The following RAB23 variants were observed in gnomAD, a reference collection of about 807,000 sequenced individuals.
RAB23 encodes ras-related protein Rab-23.
RAB23 carries 15 observed loss-of-function variants against 30.0 expected under a neutral mutation model. The observed-to-expected ratio is 0.50, with a 90% CI of 0.33 to 0.77. The LOEUF is 0.77. Among genes scored for constraint, RAB23 ranks in the 30% least tolerant of loss-of-function variants. RAB23 has a pLI of 0.02. For synonymous variants in RAB23, 93 were observed against 94.0 expected (o/e 0.99, Z 0.06); for missense variants, 243 against 275.4 (o/e 0.88, Z 0.83).
Position 57,194,785 on chromosome 6 carries a change from G to C in RAB23, c.466C>G (p.Leu156Val). Reference sequence around the variant, plus strand: ...GGTAATTTACCTTCATTCACATTTAGATCTTCTTTCACTGATGTTCTGTAG... The same window carrying C: ...GGTAATTTACCTTCATTCACATTTACATCTTCTTTCACTGATGTTCTGTAG... ...RFYRTSVKED[L>V]NVNEVFKYLA... Residue 156 changes from leucine (L) to valine (V), a missense_variant, in exon 5 of 7, where the codon CTA becomes GTA. Leu to Val is a conservative substitution (Grantham distance 32, BLOSUM62 1). Transcript: ENST00000468148. 6 of 1,612,008 alleles carry C rather than the reference G, an allele frequency of 3.7e-6. No individual in the cohort carries two copies. Among genetic ancestry groups the C allele is most frequent in the Non-Finnish European group, 5.1e-6 (6 of 1,178,546 alleles).
chr6:57,196,459 C>A lies in RAB23; in HGVS notation c.389G>T (p.Cys130Phe), dbSNP rs1485030118. The A allele has an allele frequency of 6.2e-7, 1 of 1,613,932 alleles. No homozygotes were observed. Among genetic ancestry groups the A allele is most frequent in the Non-Finnish European group, 8.5e-7 (1 of 1,179,920 alleles). The change falls in exon 4 of 7, where the codon TGT becomes TTT. Residue 130 changes from cysteine (C) to phenylalanine (F), a missense_variant. Physicochemically the swap from Cys to Phe is radical, Grantham distance 205. Transcript: ENST00000468148. ...QNKIDLLDDS[C>F]IKNEEAEALA... ...AAAGTAGCCATCTTACTTCTTTATA[C>A]AAGAATCATCCAGAAGATCAATCTT...
At chr6:57,220,218 C>T (rs369018098) in intron 1 of RAB23, among the ~76,000 whole-genome samples, 141 of 151,922 alleles carry the variant, frequency 9.3e-4, no homozygotes, top group African/African-American at 3.3e-3. Flanking sequence ...CCACTACACA[C>T]CTATTAGAAT....
rs1331828216 is a variant in RAB23 at position 57,222,085 on chromosome 6, C to G, written c.-425G>C. ...CCGGCTCCTCCTGGTCGCGGCGCAA[C>G]CGCTGCCGCCGCTGTCTCCTCCCGA... On this transcript the variant is annotated 5_prime_UTR_variant, in exon 1 of 7. Coordinates refer to ENST00000468148, the MANE Select transcript of RAB23 (RefSeq NM_016277.5). The G allele has an allele frequency of 1.3e-5, 2 of 152,374 alleles. No individual in the cohort carries two copies. Among genetic ancestry groups the G allele is most frequent in the Non-Finnish European group, 2.9e-5 (2 of 68,200 alleles). 9.4% of individuals were successfully genotyped at this position (152,374 alleles called of 1,614,324 possible).
At chr6:57,216,561 G>GT (rs756551067) in intron 1 of RAB23, among the ~76,000 whole-genome samples, 7 of 152,194 alleles carry the variant, frequency 4.6e-5, no homozygotes, top group Non-Finnish European at 1.0e-4. Flanking sequence ...GGCCACGTGG[G>GT]TTTTTGGCTT....
rs1204366207 is a variant in RAB23, at chr6:57,205,226, ATG to A, written c.241+2400_241+2401del. Among the ~76,000 whole-genome samples, 5 of 151,712 alleles carry A rather than the reference ATG, an allele frequency of 3.3e-5. No homozygotes were observed. The East Asian group carries it at 7.7e-4, about 23-fold the overall frequency. ...ACACATATATTAAGTGTGTGTATAT[ATG>A]TGTGTGTGTATGTATGTGTGTGTGT... On this transcript the variant is annotated intron_variant, in intron 3 of 6. Transcript: ENST00000468148.
At chr6:57,205,070 A>G (rs1765405121) in intron 3 of RAB23, among the ~76,000 whole-genome samples, 1 of 150,920 alleles carries the variant, frequency 6.6e-6, no homozygotes, top group African/African-American at 2.4e-5. Context: ...ATGTGTATAT[A>G]TACATATACA....
rs188212050 is a variant in RAB23 at position 57,208,393 on chromosome 6, T to C, written c.156-680A>G. 3.7e-4 allele frequency among the ~76,000 whole-genome samples: 56 copies of C among 152,196 alleles called. 1 individual carries two copies. The East Asian group carries it at 0.011, about 29-fold the overall frequency. ...CAGTCACGGTGGCTCACGCCTGTAATCCCAGCAATCTGTGAGGCCAAAGTG... is the reference window on the plus strand; with the variant it reads ...CAGTCACGGTGGCTCACGCCTGTAACCCCAGCAATCTGTGAGGCCAAAGTG... On this transcript the variant is annotated intron_variant, in intron 2 of 6. Coordinates refer to ENST00000468148, the MANE Select transcript of RAB23 (RefSeq NM_016277.5).
chr6:57,187,882 T>TATC lies in RAB23; in HGVS notation c.*2576_*2578dup, dbSNP rs1554307768. The TATC allele has an allele frequency of 2.0e-5, 3 of 152,112 alleles. No individual in the cohort carries two copies. The highest frequency in any genetic ancestry group is 7.3e-5 in the African/African-American group (3 of 41,372). 9.4% of individuals were successfully genotyped at this position (152,112 alleles called of 1,614,324 possible). ...TTTATTTTGAAAAAGTAACGTGTGC[T>TATC]ATCAACTTTGGGCAGATACAAAGGA... On this transcript the variant is annotated 3_prime_UTR_variant, in exon 7 of 7. Coordinates refer to ENST00000468148, the MANE Select transcript of RAB23 (RefSeq NM_016277.5).
At chr6:57,214,104 C>A (rs1027105196) in intron 1 of RAB23, among the ~76,000 whole-genome samples, 1 of 152,122 alleles carries the variant, frequency 6.6e-6, no homozygotes. Flanking sequence ...TCAGTCATCC[C>A]TACCCCTTTT....
Position 57,189,027 on chromosome 6 carries a change from C to CT in RAB23, c.*1433dup, listed in dbSNP as rs1208113678. ...AGTTATTTTTACAGATTTTGCAATG[C>CT]TGTAAAAACCAGGTATATTGAAAGG... On this transcript the variant is annotated 3_prime_UTR_variant, in exon 7 of 7. Coordinates refer to ENST00000468148, the MANE Select transcript of RAB23 (RefSeq NM_016277.5). 1.3e-5 allele frequency: 2 copies of CT among 152,060 alleles called. No individual in the cohort carries two copies. Among genetic ancestry groups the CT allele is most frequent in the African/African-American group, 4.8e-5 (2 of 41,408 alleles). The allele number at this position is 152,060 out of a possible 1,614,324, so 9.4% of individuals were successfully genotyped here.
chr6:57,189,668 GCTTA>G lies in RAB23; in HGVS notation c.*789_*792del, dbSNP rs1764758369. The G allele has an allele frequency of 6.6e-6, 1 of 152,528 alleles. No homozygotes were observed. The highest frequency in any genetic ancestry group is 2.4e-5 in the African/African-American group (1 of 41,388). The allele number at this position is 152,528 out of a possible 1,614,324, so 9.4% of individuals were successfully genotyped here. ...TTATCTACGCTGTCAGATGAAAACT[GCTTA>G]CTGCTTTTAAAAGATATAATAAACA... On this transcript the variant is annotated 3_prime_UTR_variant, in exon 7 of 7. Coordinates refer to ENST00000468148, the MANE Select transcript of RAB23 (RefSeq NM_016277.5).
At position 57,189,577 on chromosome 6, in the gene RAB23, T is replaced by A. The variant is rs1764752648; in HGVS notation, c.*884A>T. ...CTCACCATGCTTATGGGTGACTATA[T>A]CAAAAAGATCTGCAATAAGGCTCAC... On this transcript the variant is annotated 3_prime_UTR_variant, in exon 7 of 7. Coordinates refer to ENST00000468148, the MANE Select transcript of RAB23 (RefSeq NM_016277.5). 6.6e-6 allele frequency: 1 copy of A among 152,444 alleles called. No individual in the cohort carries two copies. Among genetic ancestry groups the A allele is most frequent in the Non-Finnish European group, 1.5e-5 (1 of 68,034 alleles). 9.4% of individuals were successfully genotyped at this position (152,444 alleles called of 1,614,324 possible). A position where few individuals can be genotyped will look rare whatever the true frequency, so the allele number is the denominator to read the frequency against.
chr6:57,195,425 A>G (rs1425796256), intron 4 of RAB23, among the ~76,000 whole-genome samples: 2 of 152,156 alleles, frequency 1.3e-5, no homozygotes, highest in African/African-American at 4.8e-5. Flanking sequence ...GTCATTAGAG[A>G]CTGTTGTAAC....
chr6:57,199,660 G>T (rs1159897151), intron 3 of RAB23, among the ~76,000 whole-genome samples: 1 of 152,108 alleles, frequency 6.6e-6, no homozygotes, highest in Non-Finnish European at 1.5e-5. Context: ...TAAGTCCTAA[G>T]AAGATAAATT....
chr6:57,197,949 G>C (rs1201329153), intron 3 of RAB23, among the ~76,000 whole-genome samples: 1 of 151,950 alleles, frequency 6.6e-6, no homozygotes, highest in Non-Finnish European at 1.5e-5. Context: ...GTTTTTGTTT[G>C]TTTGTTTTGT....
At position 57,187,882 on chromosome 6, in the gene RAB23, T is replaced by TATCATCA. The variant is rs1554307768; in HGVS notation, c.*2578_*2579insTGATGAT. The TATCATCA allele has an allele frequency of 6.6e-6, 1 of 152,112 alleles. No individual in the cohort carries two copies. The highest frequency in any genetic ancestry group is 2.4e-5 in the African/African-American group (1 of 41,372). The allele number at this position is 152,112 out of a possible 1,614,324, so 9.4% of individuals were successfully genotyped here. ...TTTATTTTGAAAAAGTAACGTGTGCTATCAACTTTGGGCAGATACAAAGGA... is the reference window on the plus strand; with the variant it reads ...TTTATTTTGAAAAAGTAACGTGTGCTATCATCAATCAACTTTGGGCAGATACAAAGGA... On this transcript the variant is annotated 3_prime_UTR_variant, in exon 7 of 7. Coordinates refer to ENST00000468148, the MANE Select transcript of RAB23 (RefSeq NM_016277.5).
Sources: allele counts gnomAD v4.1 joint callset (sites outside exome capture counted in the v4.1 genomes callset), GRCh38; gene constraint gnomAD v4.1.1; transcripts MANE v1.5; gene names NCBI Gene and HGNC (gene_info 2026-07-23, HGNC 2026-07-21).